The following LPA variants were observed in gnomAD, a reference collection of about 807,000 sequenced individuals.
The protein encoded by LPA is lipoprotein(a).
LPA carries 199 observed loss-of-function variants against 197.9 expected under a neutral mutation model. The observed-to-expected ratio is 1.01, with a 90% CI of 0.90 to 1.13. LPA has a LOEUF of 1.13. Among genes scored for constraint, LPA ranks in the 50% most tolerant of loss-of-function variants. The pLI, the probability that LPA is intolerant of heterozygous loss-of-function variation, is 0.00. For missense variants in LPA, 1,853 were observed against 1,785.8 expected (o/e 1.04, Z -0.68); for synonymous variants, 715 against 639.5 (o/e 1.12, Z -1.78).
intron 16 of LPA, 46 bp downstream of exon 16, chr6:160,611,516 C>G: frequency 6.2e-7 from 1 of 1,604,554 alleles, no homozygotes; most frequent in Non-Finnish European, 8.5e-7. Flanking sequence ...GTCACAGAAA[C>G]TTCAGTTGGC....
At chr6:160,545,373 T>C (rs978348742) in intron 33 of LPA, 67 bp downstream of exon 33, 8 of 1,203,142 alleles carry the variant, frequency 6.6e-6, no homozygotes, top group African/African-American at 1.6e-5. Context: ...TTCTGTTTTT[T>C]TTGCTTTTTT....
At chr6:160,553,398 T>C (rs1179275671) in intron 30 of LPA, among the ~76,000 whole-genome samples, 2 of 152,202 alleles carry the variant, frequency 1.3e-5, no homozygotes, top group Non-Finnish European at 2.9e-5. Flanking sequence ...GTTTTTTTGC[T>C]TGTTTCCTCT....
At chr6:160,658,329 T>A (rs1780165375) in intron 1 of LPA, among the ~76,000 whole-genome samples, 1 of 152,220 alleles carries the variant, frequency 6.6e-6, no homozygotes, top group Admixed American at 6.5e-5. Context: ...ATGCACCTCT[T>A]GTTGCAGATC....
chr6:160,568,966 C>T, intron 28 of LPA, among the ~76,000 whole-genome samples: 1 of 152,144 alleles, frequency 6.6e-6, no homozygotes, highest in South Asian at 2.1e-4. Context: ...CAAACCACTG[C>T]TTAATGAAAT....
At chr6:160,650,279 T>C in intron 2 of LPA, 59 bp downstream of exon 2, 2 of 1,584,828 alleles carry the variant, frequency 1.3e-6, no homozygotes, top group East Asian at 4.5e-5. Context: ...GACGCACACC[T>C]TTTCTAAGAC....
At chr6:160,594,243 A>C (rs1779087722) in intron 21 of LPA, 126 bp from the exon 22 acceptor site, 3 of 1,129,512 alleles carry the variant, frequency 2.7e-6, no homozygotes, top group African/African-American at 3.1e-5. Flanking sequence ...CTGTACTAGC[A>C]GGCAGATGGA....
chr6:160,647,352 G>A (rs1229096308), intron 2 of LPA, among the ~76,000 whole-genome samples: 1 of 152,184 alleles, frequency 6.6e-6, no homozygotes, highest in African/African-American at 2.4e-5. Flanking sequence ...CAAGAACGTT[G>A]CTCCAACCTC....
chr6:160,643,083 A>AATTTCTGT (rs1332336973), intron 4 of LPA, among the ~76,000 whole-genome samples: 30 of 131,066 alleles, frequency 2.3e-4, no homozygotes, highest in African/African-American at 8.1e-4. Context: ...GTGTGTTTTC[A>AATTTCTGT]GTGTGTGTGT....
At chr6:160,584,618 C>G (rs1778872648) in intron 26 of LPA, among the ~76,000 whole-genome samples, 1 of 152,078 alleles carries the variant, frequency 6.6e-6, no homozygotes, top group Admixed American at 6.5e-5. Context: ...AGGCCTGAGC[C>G]ACTGCACCCA....
At position 160,566,026 on chromosome 6, in the gene LPA, C is replaced by G. The variant is rs547402096; in HGVS notation, c.4632-8455G>C. Among the ~76,000 whole-genome samples, 4 of 152,228 alleles carry G rather than the reference C, an allele frequency of 2.6e-5. No individual in the cohort carries two copies. In the East Asian group the frequency reaches 7.7e-4, roughly 29 times the overall value. ...AACAAAGCCTCCAATAAATATGGGA[C>G]TATGTGAAAAGACCAAATCTACATC... On this transcript the variant is annotated intron_variant, in intron 28 of 38. Transcript: ENST00000316300.
chr6:160,537,877 G>C lies in LPA; in HGVS notation c.5820C>G (p.Ile1940Met). The change falls in exon 37 of 39, where the codon ATC (isoleucine) becomes ATG (methionine). Residue 1940 changes from isoleucine (I) to methionine (M), a missense_variant. By Grantham distance (10) the Ile-to-Met change is conservative. This residue lies in a region of LPA where 1,737 missense variants were observed against 1,504.4 expected (regional missense o/e 1.15). Transcript: ENST00000316300. ...CACCTTGGGTTTCTCCCCAGCCAGTGATGTAACATTCAGTCCTGGCGGTGA... is the reference window on the plus strand; with the variant it reads ...CACCTTGGGTTTCTCCCCAGCCAGTCATGTAACATTCAGTCCTGGCGGTGA... ...YMVTARTECY[I>M]TGWGETQGTF... The C allele has an allele frequency of 6.2e-7, 1 of 1,614,208 alleles. No individual in the cohort carries two copies. The highest frequency in any genetic ancestry group is 8.5e-7 in the Non-Finnish European group (1 of 1,180,022).
At position 160,548,558 on chromosome 6, in the gene LPA, C is replaced by T. The variant is rs1778117183; in HGVS notation, c.5075G>A (p.Arg1692Gln). Residue 1692 changes from arginine (R) to glutamine (Q), a missense_variant, in exon 31 of 39, where the codon CGA becomes CAA. Around this residue, in one of 3 missense-constraint regions of LPA, gnomAD observed 1,737 missense variants for 1,504.4 expected, o/e 1.15. Transcript: ENST00000316300. ...CACAGTCCCTTCTGTGTCTGAGCATCGCGTCAGGTTGCAGTACTCCCACCT... is the reference window on the plus strand; with the variant it reads ...CACAGTCCCTTCTGTGTCTGAGCATTGCGTCAGGTTGCAGTACTCCCACCT... ...SIRWEYCNLTRCSDTEGTVVA... is the reference protein window; with the variant it reads ...SIRWEYCNLTQCSDTEGTVVA... 2 of 1,614,076 alleles carry T rather than the reference C, an allele frequency of 1.2e-6. No individual in the cohort carries two copies. The highest frequency in any genetic ancestry group is 1.7e-6 in the Non-Finnish European group (2 of 1,180,008).
intron 4 of LPA, among the ~76,000 whole-genome samples, chr6:160,643,062 TG>T (rs1779865207): frequency 6.9e-6 from 1 of 144,160 alleles, no homozygotes; most frequent in African/African-American, 2.6e-5. Context: ...TCTGCGTGTG[TG>T]TGAGTATGGG....
rs1242534066 is a variant in LPA at position 160,600,907 on chromosome 6, A to G, written c.3127+10T>C. ...ATCCAAGCAGGTAAATGTCTGGCAC[A>G]ACTTCTTACCTTGTTCAAAAAAAGC... is the stretch of plus-strand genomic sequence containing the variant. On this transcript the variant is annotated intron_variant, in intron 19 of 38. Coordinates refer to ENST00000316300, the MANE Select transcript of LPA (RefSeq NM_005577.4). The G allele has an allele frequency of 6.2e-7, 1 of 1,611,994 alleles. No homozygotes were observed. Among genetic ancestry groups the G allele is most frequent in the Non-Finnish European group, 8.5e-7 (1 of 1,179,938 alleles).
intron 16 of LPA, among the ~76,000 whole-genome samples, chr6:160,611,330 C>T (rs747863117): frequency 6.6e-6 from 1 of 152,092 alleles, no homozygotes; most frequent in Non-Finnish European, 1.5e-5. Context: ...ATAAGGTGAT[C>T]TCCTCGCCTC....
intron 14 of LPA, among the ~76,000 whole-genome samples, chr6:160,615,383 T>TAGCTCATTCTGTAG: frequency 7.6e-6 from 1 of 130,992 alleles, no homozygotes; most frequent in Non-Finnish European, 1.6e-5. Context: ...TGTGTGTGTG[T>TAGCTCATTCTGTAG]GTAGCTCATT....
At chr6:160,583,476 C>T (rs1197474884) in intron 26 of LPA, among the ~76,000 whole-genome samples, 2 of 152,070 alleles carry the variant, frequency 1.3e-5, no homozygotes, top group Non-Finnish European at 2.9e-5. Context: ...TTGCTGAATG[C>T]CCAAGATGTT....
intron 28 of LPA, among the ~76,000 whole-genome samples, chr6:160,573,726 G>C (rs1160763733): frequency 1.3e-5 from 2 of 152,172 alleles, no homozygotes; most frequent in African/African-American, 2.4e-5. Flanking sequence ...AGTCTACCCA[G>C]CTCTGGGCTG....
In LPA at chr6:160,558,000, A is replaced by C. The variant is rs911205958; in HGVS notation, c.4632-429T>G. On this transcript the variant is annotated intron_variant, in intron 28 of 38. Transcript: ENST00000316300. ...AGTGGCGCAATCTCGGCTCACTGCA[A>C]GGTCTGCCTCCTGGGTTCAAGCCAT... is the stretch of plus-strand genomic sequence containing the variant. Among the ~76,000 whole-genome samples the C allele has an allele frequency of 1.3e-3, 193 of 151,966 alleles. 3 individuals carry two copies. Among genetic ancestry groups the C allele is most frequent in the African/African-American group, 4.5e-3 (186 of 41,444 alleles).
Sources: gnomAD v4.1 joint callset for allele counts (sites outside exome capture counted in the v4.1 genomes callset) on GRCh38, gnomAD v4.1.1 for gene constraint, gnomAD v4.1.1 regional missense constraint, MANE v1.5 for transcripts, NCBI Gene and HGNC (gene_info 2026-07-23, HGNC 2026-07-21) for gene names.